DMD: variants seen among roughly 807,000 people sequenced by gnomAD.
DMD encodes the protein dystrophin, also known as mutant dystrophin.
In DMD, 63 loss-of-function variants were observed where a neutral mutation model predicts 330.1. The observed-to-expected ratio is 0.19, with a 90% CI of 0.16 to 0.24. The LOEUF is 0.24. Among genes scored for constraint, DMD ranks in the 10% least tolerant of loss-of-function variants. The pLI, the probability that DMD is intolerant of heterozygous loss-of-function variation, is 1.00. For missense variants in DMD, 3,344 were observed against 2,684.1 expected, an observed-to-expected ratio of 1.25 and a Z score of -5.43; for synonymous variants, 1,223 against 959.8, an observed-to-expected ratio of 1.27 and a Z score of -5.07.
intron 29 of DMD, among the ~76,000 whole-genome samples, 179 bp downstream of exon 29, chrX:32,438,062 G>C (rs1027577974): frequency 8.9e-6 from 1 of 111,975 alleles, no homozygotes; most frequent in Admixed American, 9.5e-5. Context: ...CAATGTTTTT[G>C]TGAAATCACA....
chrX:32,340,232 A>G (rs1349445827), intron 41 of DMD, among the ~76,000 whole-genome samples: 3 of 111,845 alleles, frequency 2.7e-5, no homozygotes, highest in Admixed American at 9.5e-5. Flanking sequence ...ATTATTCTTC[A>G]TACAGATTGT....
intron 48 of DMD, among the ~76,000 whole-genome samples, chrX:31,839,750 G>A (rs1054956098): frequency 9.0e-6 from 1 of 111,568 alleles, no homozygotes; most frequent in Admixed American, 9.5e-5. Flanking sequence ...AGCAATCCAA[G>A]AGAACATCAC....
intron 30 of DMD, among the ~76,000 whole-genome samples, chrX:32,403,954 G>A (rs1041639756): frequency 9.0e-6 from 1 of 111,606 alleles, no homozygotes; most frequent in African/African-American, 3.2e-5. Context: ...GTTCCAAGTC[G>A]TTTGGCAATC....
At chrX:32,380,243 A>G (rs1309190224) in intron 34 of DMD, among the ~76,000 whole-genome samples, 1 of 111,022 alleles carries the variant, frequency 9.0e-6, no homozygotes, top group Non-Finnish European at 1.9e-5. Context: ...TCTCTGGACC[A>G]ATTTTCAGAC....
chrX:31,646,641 C>G (rs192525008), intron 54 of DMD, among the ~76,000 whole-genome samples: 54 of 111,763 alleles, frequency 4.8e-4, no homozygotes, highest in African/African-American at 1.6e-3. Flanking sequence ...TCACAGCTGC[C>G]TCCCTCCCTG....
intron 57 of DMD, among the ~76,000 whole-genome samples, chrX:31,489,133 C>T (rs1193749165): frequency 8.9e-6 from 1 of 111,902 alleles, no homozygotes; most frequent in African/African-American, 3.3e-5. Context: ...TACTCACTCA[C>T]ACAGGTTTTG....
intron 44 of DMD, among the ~76,000 whole-genome samples, chrX:32,169,241 G>A (rs1387573251): frequency 8.9e-6 from 1 of 112,192 alleles, no homozygotes; most frequent in Non-Finnish European, 1.9e-5. Flanking sequence ...GACAAAAATG[G>A]AGGGTATGAA....
At chrX:32,717,735 C>T (rs1210735740) in intron 7 of DMD, among the ~76,000 whole-genome samples, 1 of 111,129 alleles carries the variant, frequency 9.0e-6, no homozygotes, top group Non-Finnish European at 1.9e-5. Context: ...CAATGCCAGC[C>T]CATGAAAACA....
At chrX:32,117,781 T>G (rs2096617330) in intron 44 of DMD, among the ~76,000 whole-genome samples, 1 of 111,620 alleles carries the variant, frequency 9.0e-6, no homozygotes, top group Non-Finnish European at 1.9e-5. Context: ...GAGAAAATAT[T>G]TAACCAATAG....
At chrX:33,152,036 GCTGTACTACTGA>G (rs1196905125) in intron 1 of DMD, among the ~76,000 whole-genome samples, 1 of 111,508 alleles carries the variant, frequency 9.0e-6, no homozygotes, top group Non-Finnish European at 1.9e-5. Flanking sequence ...AAATAGATTT[GCTGTACTACTGA>G]CTGTATGTTC....
chrX:33,161,413 T>A (rs2048765376), intron 1 of DMD, among the ~76,000 whole-genome samples: 1 of 111,660 alleles, frequency 9.0e-6, no homozygotes, highest in South Asian at 3.7e-4. Context: ...TATGAGTGCC[T>A]ATTTCTTACA....
chrX:33,128,362 T>C, intron 1 of DMD: 1 of 1,025,549 alleles, frequency 9.8e-7, no homozygotes, highest in Non-Finnish European at 1.2e-6. Flanking sequence ...TTTTTGCACC[T>C]GTTTCTTCCA....
At chrX:31,856,686 G>C (rs1010719340) in intron 48 of DMD, among the ~76,000 whole-genome samples, 4 of 112,169 alleles carry the variant, frequency 3.6e-5, no homozygotes, top group Non-Finnish European at 7.5e-5. Context: ...AATAACATCT[G>C]TTCAGTTTTG....
chrX:32,382,936 G>A (rs546911919), intron 33 of DMD, among the ~76,000 whole-genome samples: 2 of 110,687 alleles, frequency 1.8e-5, no homozygotes, highest in South Asian at 3.7e-4. Flanking sequence ...GAATGGATAC[G>A]TTTAACACAA....
At chrX:32,856,999 C>T (rs184338616) in intron 2 of DMD, among the ~76,000 whole-genome samples, 3 of 109,023 alleles carry the variant, frequency 2.8e-5, no homozygotes, top group East Asian at 5.8e-4. Context: ...GGCGTGAACC[C>T]GGGAGGCGGA....
At chrX:32,119,820 T>A (rs1338585822) in intron 44 of DMD, among the ~76,000 whole-genome samples, 1 of 112,481 alleles carries the variant, frequency 8.9e-6, no homozygotes, top group African/African-American at 3.2e-5. Context: ...TGTTTCTTCT[T>A]TCTGAATTAC....
intron 43 of DMD, among the ~76,000 whole-genome samples, chrX:32,218,533 T>C (rs891364068): frequency 9.0e-6 from 1 of 111,037 alleles, no homozygotes; most frequent in East Asian, 2.8e-4. Flanking sequence ...TTTTCAGTCC[T>C]CTACCTTCAT....
chrX:32,510,641 A>G (rs1314585211), intron 18 of DMD, among the ~76,000 whole-genome samples: 1 of 111,542 alleles, frequency 9.0e-6, no homozygotes, highest in Admixed American at 9.5e-5. Flanking sequence ...ATACAATATT[A>G]TGGTCTCTCC....
At chrX:32,756,533 T>C (rs1157273460) in intron 7 of DMD, 1 of 111,538 alleles carries the variant, frequency 9.0e-6, no homozygotes, top group African/African-American at 3.3e-5. Context: ...ATGATGTCAA[T>C]ATTATATGTC....
Sources: gnomAD v4.1 joint callset for allele counts (sites outside exome capture counted in the v4.1 genomes callset) on GRCh38, gnomAD v4.1.1 for gene constraint, MANE v1.5 for transcripts, NCBI Gene and HGNC (gene_info 2026-07-23, HGNC 2026-07-21) for gene names.